Variants in RERG observed in about 807,000 individuals in gnomAD.
The protein encoded by RERG is RAS like estrogen regulated growth inhibitor.
In RERG, 25 loss-of-function variants were observed where a neutral mutation model predicts 23.2. That is an observed-to-expected ratio of 1.08 (90% CI 0.79 to 1.50). RERG has a LOEUF of 1.50. Among genes scored for constraint, RERG ranks in the 40% most tolerant of loss-of-function variants. RERG has a pLI of 0.00. For synonymous variants in RERG, 81 were observed against 89.1 expected (o/e 0.91, Z 0.51); for missense variants, 253 against 250.1 (o/e 1.01, Z -0.08).
chr12:15,216,929 A>G (rs545639391), intron 2 of RERG, among the ~76,000 whole-genome samples: 149 of 152,314 alleles, frequency 9.8e-4, no homozygotes, highest in Middle Eastern at 3.4e-3. Context: ...GCACTCCTAA[A>G]GTTTCAGGAA....
chr12:15,139,992 T>C (rs1052666186), intron 2 of RERG, among the ~76,000 whole-genome samples: 1 of 152,234 alleles, frequency 6.6e-6, no homozygotes, highest in African/African-American at 2.4e-5. Flanking sequence ...AAGTGTTCAC[T>C]GCTTTTATTT....
At chr12:15,173,842 TCA>T (rs1214884945) in intron 2 of RERG, among the ~76,000 whole-genome samples, 4 of 152,000 alleles carry the variant, frequency 2.6e-5, no homozygotes, top group Non-Finnish European at 4.4e-5. Flanking sequence ...CCTGATAAAC[TCA>T]TTTATAATTT....
intron 2 of RERG, among the ~76,000 whole-genome samples, chr12:15,195,366 C>CCTGA (rs1384785950): frequency 7.9e-5 from 12 of 152,128 alleles, no homozygotes. Context: ...GCCAAGGGTG[C>CCTGA]CTGATTAGGG....
At position 15,113,122 on chromosome 12, in the gene RERG, C is replaced by A. The variant is rs1486387137; in HGVS notation, c.119-1705G>T. Among the ~76,000 whole-genome samples, 5 of 152,230 alleles carry A rather than the reference C, an allele frequency of 3.3e-5. No individual in the cohort carries two copies. The East Asian group carries it at 9.7e-4, about 29-fold the overall frequency. On this transcript the variant is annotated intron_variant, in intron 3 of 4. Coordinates refer to ENST00000256953, the MANE Select transcript of RERG (RefSeq NM_032918.3). Reference sequence around the variant, plus strand: ...GCATTACAATTCTAGATGATTCTATCAGTATATCAGGGTGAAGATGGGGGA... The same window carrying A: ...GCATTACAATTCTAGATGATTCTATAAGTATATCAGGGTGAAGATGGGGGA...
chr12:15,153,775 A>G (rs1005147189), intron 2 of RERG, among the ~76,000 whole-genome samples: 16 of 152,150 alleles, frequency 1.1e-4, no homozygotes, highest in African/African-American at 3.9e-4. Flanking sequence ...TATGGGTTGA[A>G]TTGTGTCCCC....
intron 2 of RERG, among the ~76,000 whole-genome samples, chr12:15,150,788 T>C (rs1864427863): frequency 6.6e-6 from 1 of 152,164 alleles, no homozygotes. Context: ...TTATTACTAT[T>C]ACAAGAATAA....
chr12:15,205,024 T>C (rs983281924), intron 2 of RERG, among the ~76,000 whole-genome samples: 8 of 152,036 alleles, frequency 5.3e-5, no homozygotes, highest in South Asian at 4.1e-4. Context: ...GATATCATCA[T>C]TGAGGGGAAT....
intron 2 of RERG, among the ~76,000 whole-genome samples, chr12:15,133,874 A>G (rs949955402): frequency 6.6e-6 from 1 of 151,972 alleles, no homozygotes; most frequent in Non-Finnish European, 1.5e-5. Context: ...GAATCTTTCC[A>G]TATGTTTATT....
At chr12:15,183,479 G>T (rs926884101) in intron 2 of RERG, among the ~76,000 whole-genome samples, 16 of 151,802 alleles carry the variant, frequency 1.1e-4, no homozygotes, top group African/African-American at 3.9e-4. Context: ...GATAAAAAAG[G>T]CATTTATCTC....
chr12:15,209,412 C>T (rs979880236), intron 2 of RERG, among the ~76,000 whole-genome samples: 8 of 152,050 alleles, frequency 5.3e-5, no homozygotes, highest in African/African-American at 1.7e-4. Context: ...CAATTGTGTG[C>T]GTCTTCATTA....
At chr12:15,162,120 A>G (rs1482104836) in intron 2 of RERG, among the ~76,000 whole-genome samples, 2 of 152,194 alleles carry the variant, frequency 1.3e-5, no homozygotes, top group African/African-American at 4.8e-5. Context: ...ATCAAAATGA[A>G]TCTCTTATGA....
intron 2 of RERG, among the ~76,000 whole-genome samples, chr12:15,125,027 G>T (rs372861563): frequency 1.3e-5 from 2 of 151,758 alleles, no homozygotes; most frequent in East Asian, 3.9e-4. Context: ...AACTTACTAT[G>T]GATGTATATT....
intron 2 of RERG, among the ~76,000 whole-genome samples, chr12:15,158,471 G>T (rs551825030): frequency 6.6e-6 from 1 of 151,916 alleles, no homozygotes; most frequent in African/African-American, 2.4e-5. Context: ...TTTAAGAGAT[G>T]GGGTCTCACT....
chr12:15,207,519 T>A (rs1865308864), intron 2 of RERG, among the ~76,000 whole-genome samples: 1 of 152,102 alleles, frequency 6.6e-6, no homozygotes, highest in African/African-American at 2.4e-5. Flanking sequence ...ATGTTGTCTC[T>A]TATCCTGAAA....
chr12:15,155,822 G>A (rs1864513550), intron 2 of RERG, among the ~76,000 whole-genome samples: 1 of 151,682 alleles, frequency 6.6e-6, no homozygotes, highest in Non-Finnish European at 1.5e-5. Flanking sequence ...CCCCTTTTGT[G>A]CTGTAAACCA....
intron 2 of RERG, among the ~76,000 whole-genome samples, chr12:15,212,550 G>A (rs972328515): frequency 2.6e-5 from 4 of 152,198 alleles, no homozygotes; most frequent in Admixed American, 2.0e-4. Flanking sequence ...AAACCCCCTA[G>A]ATTTTTCTTT....
chr12:15,198,448 G>A (rs1865174218), intron 2 of RERG, among the ~76,000 whole-genome samples: 1 of 152,022 alleles, frequency 6.6e-6, no homozygotes, highest in South Asian at 2.1e-4. Context: ...AGAGCAAGGG[G>A]GAATATGTGT....
chr12:15,143,263 ATAAAT>A (rs1181618028), intron 2 of RERG, among the ~76,000 whole-genome samples: 12 of 152,140 alleles, frequency 7.9e-5, no homozygotes, highest in Admixed American at 5.9e-4. Context: ...TGTGGATAAT[ATAAAT>A]TAAAATATAC....
intron 4 of RERG, 100 bp from the exon 5 acceptor site, chr12:15,109,617 A>C: frequency 1.1e-6 from 1 of 891,846 alleles, no homozygotes. Context: ...TATTCTTTAT[A>C]TCCAAAGTCA....
Sources: gnomAD v4.1 joint callset for allele counts (sites outside exome capture counted in the v4.1 genomes callset) on GRCh38, gnomAD v4.1.1 for gene constraint, MANE v1.5 for transcripts, NCBI Gene and HGNC (gene_info 2026-07-23, HGNC 2026-07-21) for gene names.